ANO4: variants seen among roughly 807,000 people sequenced by gnomAD.
The protein encoded by ANO4 is anoctamin 4.
A neutral mutation model predicts 141.9 loss-of-function variants in ANO4; 69 were observed. The observed-to-expected ratio is 0.49, with a 90% CI of 0.40 to 0.59. ANO4 has a LOEUF of 0.59. Among genes scored for constraint, ANO4 ranks in the 20% least tolerant of loss-of-function variants. The pLI is 0.00. For missense variants in ANO4, 894 were observed against 1,162.2 expected (o/e 0.77, Z 3.36); for synonymous variants, 350 against 394.3 (o/e 0.89, Z 1.33).
chr12:101,036,411 G>A (rs934315775), intron 9 of ANO4, among the ~76,000 whole-genome samples: 1 of 152,118 alleles, frequency 6.6e-6, no homozygotes, highest in African/African-American at 2.4e-5. Flanking sequence ...GTTCATTGCA[G>A]CATTATTTAC....
At chr12:101,125,658 C>CAAAAACCACA (rs2051283122) in intron 26 of ANO4, among the ~76,000 whole-genome samples, 1 of 152,142 alleles carries the variant, frequency 6.6e-6, no homozygotes, top group African/African-American at 2.4e-5. Context: ...GTCTTTAGTT[C>CAAAAACCACA]TGCTTATGTG....
chr12:101,117,895 C>T (rs1053535296), intron 25 of ANO4, among the ~76,000 whole-genome samples: 6 of 152,124 alleles, frequency 3.9e-5, no homozygotes, highest in African/African-American at 1.4e-4. Context: ...CATTTCTGTG[C>T]AGTGACAGCA....
intron 12 of ANO4, among the ~76,000 whole-genome samples, chr12:101,042,783 G>A (rs1054478561): frequency 6.6e-6 from 1 of 152,034 alleles, no homozygotes; most frequent in African/African-American, 2.4e-5. Context: ...TTTCTTAGCT[G>A]ATACTGCAAA....
chr12:101,121,279 T>C lies in ANO4; in HGVS notation c.2676+654T>C, dbSNP rs1401791537. On this transcript the variant is annotated intron_variant, in intron 26 of 27. Coordinates refer to ENST00000392977, the MANE Select transcript of ANO4 (RefSeq NM_001286615.2). ...TCTGTTGTTCTCATCTTTATGTCCA[T>C]GTGTACCCAGTGTTTAGCTTCCACT... Among the ~76,000 whole-genome samples the C allele has an allele frequency of 2.0e-5, 3 of 152,102 alleles. No individual in the cohort carries two copies. In the South Asian group the frequency reaches 6.2e-4, roughly 32 times the overall value.
At chr12:100,794,078 C>A (rs75816600), upstream of ANO4, among the ~76,000 whole-genome samples, 407 of 152,270 alleles carry the variant, frequency 2.7e-3, 4 homozygotes, top group African/African-American at 9.5e-3. Flanking sequence ...TATTTCTATA[C>A]CTATATTATA....
intron 1 of ANO4, among the ~76,000 whole-genome samples, chr12:100,723,687 AT>A (rs1210622227): frequency 6.6e-6 from 1 of 152,190 alleles, no homozygotes; most frequent in African/African-American, 2.4e-5. Context: ...AGTAAACTAC[AT>A]TTTTTTCTTA....
intron 15 of ANO4, among the ~76,000 whole-genome samples, chr12:101,080,882 ATT>A (rs5800456): frequency 0.25 from 22,465 of 91,230 alleles, 2,810 homozygotes; most frequent in East Asian, 0.64. Context: ...ATATATATAT[ATT>A]ATATATATAT....
intron 16 of ANO4, among the ~76,000 whole-genome samples, chr12:101,084,904 A>G (rs2049422533): frequency 6.6e-6 from 1 of 152,172 alleles, no homozygotes; most frequent in Non-Finnish European, 1.5e-5. Flanking sequence ...CTAGGGCTCT[A>G]ATCTCTCTTC....
intron 5 of ANO4, among the ~76,000 whole-genome samples, chr12:100,944,558 A>G (rs886175083): frequency 1.3e-5 from 2 of 151,546 alleles, no homozygotes; most frequent in Non-Finnish European, 2.9e-5. Context: ...TTCCTCCACA[A>G]TCTTTTAGAC....
chr12:100,977,606 A>G (rs1322246601), intron 7 of ANO4, among the ~76,000 whole-genome samples: 1 of 152,152 alleles, frequency 6.6e-6, no homozygotes, highest in Admixed American at 6.5e-5. Context: ...GCGGGTGCAG[A>G]TGAATATTTC....
intron 1 of ANO4, among the ~76,000 whole-genome samples, chr12:100,822,162 A>C (rs1212552174): frequency 2.6e-5 from 4 of 152,050 alleles, no homozygotes; most frequent in Non-Finnish European, 4.4e-5. Context: ...TCTTTTGAGC[A>C]GCTTAACCAA....
chr12:100,998,411 C>CTATCTATT (rs2045488937), intron 8 of ANO4, among the ~76,000 whole-genome samples: 1 of 151,946 alleles, frequency 6.6e-6, no homozygotes, highest in Non-Finnish European at 1.5e-5. Context: ...ATCTATCTAT[C>CTATCTATT]TATCCATCCT....
chr12:101,057,213 C>T (rs2136705604), intron 14 of ANO4, among the ~76,000 whole-genome samples: 1 of 152,124 alleles, frequency 6.6e-6, no homozygotes, highest in East Asian at 1.9e-4. Context: ...CATAGTATTC[C>T]ATGTTGTGTA....
chr12:100,833,953 G>A (rs74577007), intron 1 of ANO4, among the ~76,000 whole-genome samples: 2 of 152,024 alleles, frequency 1.3e-5, no homozygotes, highest in Non-Finnish European at 2.9e-5. Flanking sequence ...GGAGTTTTTG[G>A]ATACAAGCAA....
intron 3 of ANO4, among the ~76,000 whole-genome samples, chr12:100,787,630 A>C (rs994436344): frequency 3.3e-5 from 5 of 152,174 alleles, no homozygotes; most frequent in African/African-American, 1.2e-4. Flanking sequence ...GGGGAAAATT[A>C]ATAGCTAGAC....
chr12:100,830,732 A>G (rs1458916039), intron 1 of ANO4, among the ~76,000 whole-genome samples: 1 of 152,094 alleles, frequency 6.6e-6, no homozygotes, highest in African/African-American at 2.4e-5. Context: ...ATTGTGATCC[A>G]GCTGCTGAGA....
intron 14 of ANO4, among the ~76,000 whole-genome samples, chr12:101,075,520 G>GAA (rs1338288580): frequency 5.6e-5 from 5 of 89,456 alleles, no homozygotes; most frequent in Non-Finnish European, 4.7e-5. Context: ...TGTGCCAAAA[G>GAA]AAAAAAAAAA....
At chr12:100,990,216 T>G (rs908131829) in intron 8 of ANO4, among the ~76,000 whole-genome samples, 2 of 152,128 alleles carry the variant, frequency 1.3e-5, no homozygotes, top group Admixed American at 6.5e-5. Context: ...GATAAATTAG[T>G]GAAGTATGTG....
At chr12:100,924,896 G>A (rs1316588256) in intron 3 of ANO4, among the ~76,000 whole-genome samples, 1 of 152,034 alleles carries the variant, frequency 6.6e-6, no homozygotes, top group African/African-American at 2.4e-5. Context: ...CCAGATCTTA[G>A]TAAAGACGTG....
Sources: allele counts gnomAD v4.1 joint callset (sites outside exome capture counted in the v4.1 genomes callset), GRCh38; gene constraint gnomAD v4.1.1; transcripts MANE v1.5; gene names NCBI Gene and HGNC (gene_info 2026-07-23, HGNC 2026-07-21).